The following KCTD1 variants were observed in gnomAD, a reference collection of about 807,000 sequenced individuals.
KCTD1 encodes the protein BTB/POZ domain-containing protein KCTD1.
Under a neutral mutation model 66.0 loss-of-function variants are expected in KCTD1, and 24 were observed. The ratio of observed to expected loss-of-function variants is 0.36; its 90% CI spans 0.26 to 0.51. The LOEUF is 0.51. KCTD1 is among the 20% of genes least tolerant of loss of function. KCTD1 has a pLI of 0.95. For synonymous variants in KCTD1, 511 were observed against 517.2 expected (o/e 0.99, Z 0.16); for missense variants, 943 against 1,205.2 (o/e 0.78, Z 3.22).
Position 26,533,198 on chromosome 18 carries a change from C to G in KCTD1, c.1809+13530G>C, listed in dbSNP as rs563903502. Among the ~76,000 whole-genome samples the G allele has an allele frequency of 2.0e-5, 3 of 152,306 alleles. No homozygotes were observed. In the South Asian group the frequency reaches 6.2e-4, roughly 32 times the overall value. The stretch of plus-strand genomic sequence containing the variant: ...AATGAGATATGTAGTAGCCCTCTTA[C>G]CAAGCAATGCATTGAAGGGTAATAA... On this transcript the variant is annotated intron_variant, in intron 1 of 4. Transcript: ENST00000580059.
chr18:26,560,020 T>C (rs8090155), intron 1 of KCTD1, among the ~76,000 whole-genome samples: 23,625 of 151,992 alleles, frequency 0.16, 2,601 homozygotes, highest in African/African-American at 0.32. Flanking sequence ...TGGGAGGCTT[T>C]ACATTACATG....
At chr18:26,647,131 G>A (rs1987938593) in intron 1 of KCTD1, among the ~76,000 whole-genome samples, 1 of 152,168 alleles carries the variant, frequency 6.6e-6, no homozygotes, top group Admixed American at 6.5e-5. Context: ...TTCTTACAGA[G>A]CTAGTGTGAC....
intron 1 of KCTD1, among the ~76,000 whole-genome samples, chr18:26,621,604 A>G (rs1367798900): frequency 1.3e-5 from 2 of 152,164 alleles, no homozygotes; most frequent in African/African-American, 4.8e-5. Flanking sequence ...AAGGAAATGC[A>G]CTAATAGGAA....
At chr18:26,634,426 T>C (rs1381921083) in intron 1 of KCTD1, among the ~76,000 whole-genome samples, 1 of 152,140 alleles carries the variant, frequency 6.6e-6, no homozygotes, top group Admixed American at 6.5e-5. Context: ...CATGTGTGTG[T>C]TGTGGTCTGT....
chr18:26,520,945 T>C (rs888281396), intron 1 of KCTD1, among the ~76,000 whole-genome samples: 1 of 152,238 alleles, frequency 6.6e-6, no homozygotes, highest in Non-Finnish European at 1.5e-5. Flanking sequence ...TCGCTAAGCC[T>C]TCTCATGCTG....
At chr18:26,598,471 TACAC>T (rs4041522) in intron 1 of KCTD1, among the ~76,000 whole-genome samples, 1 of 149,664 alleles carries the variant, frequency 6.7e-6, no homozygotes, top group Non-Finnish European at 1.5e-5. Flanking sequence ...TCTCTTTTTT[TACAC>T]ACACACACAC....
chr18:26,513,482 A>G (rs772353530), intron 1 of KCTD1, among the ~76,000 whole-genome samples: 17 of 152,188 alleles, frequency 1.1e-4, no homozygotes, highest in Non-Finnish European at 1.6e-4. Flanking sequence ...TTACCTTTTA[A>G]AGAGCAAACT....
chr18:26,597,647 G>C (rs1220779448), intron 1 of KCTD1, among the ~76,000 whole-genome samples: 3 of 146,152 alleles, frequency 2.1e-5, no homozygotes, highest in Non-Finnish European at 4.5e-5. Flanking sequence ...ACCTAGTACT[G>C]AGGTCTTGGT....
At chr18:26,647,826 A>AT (rs1457436829) in intron 1 of KCTD1, among the ~76,000 whole-genome samples, 4 of 121,850 alleles carry the variant, frequency 3.3e-5, no homozygotes, top group Non-Finnish European at 5.9e-5. Flanking sequence ...AATCACCTAG[A>AT]TCTTTTTTTT....
intron 1 of KCTD1, among the ~76,000 whole-genome samples, chr18:26,537,212 T>C (rs1984751493): frequency 6.6e-6 from 1 of 152,212 alleles, no homozygotes; most frequent in Non-Finnish European, 1.5e-5. Flanking sequence ...GTCTCTTTTT[T>C]TTCTGGAGTG....
At chr18:26,591,735 A>G (rs1256069376) in intron 1 of KCTD1, among the ~76,000 whole-genome samples, 3 of 152,180 alleles carry the variant, frequency 2.0e-5, no homozygotes, top group Non-Finnish European at 1.5e-5. Flanking sequence ...CAAATAAACA[A>G]TCTTGGGACA....
intron 1 of KCTD1, among the ~76,000 whole-genome samples, chr18:26,535,087 T>C (rs1457698189): frequency 1.3e-4 from 5 of 37,222 alleles, no homozygotes; most frequent in Admixed American, 4.4e-4. Flanking sequence ...AAGGGCATCA[T>C]GGAGGGAAAG....
chr18:26,577,726 T>G (rs186133372), intron 1 of KCTD1, among the ~76,000 whole-genome samples: 85 of 150,560 alleles, frequency 5.6e-4, no homozygotes, highest in South Asian at 1.5e-3. Context: ...GTTTTTAGTG[T>G]TTTTTTTTGT....
At chr18:26,515,610 AT>A (rs1335539313) in intron 1 of KCTD1, among the ~76,000 whole-genome samples, 1 of 148,744 alleles carries the variant, frequency 6.7e-6, no homozygotes, top group African/African-American at 2.5e-5. Context: ...GATTCAAGCG[AT>A]TTTCCTGCCT....
chr18:26,500,942 G>C, intron 2 of KCTD1, 130 bp downstream of exon 2: 1 of 915,148 alleles, frequency 1.1e-6, no homozygotes, highest in Non-Finnish European at 1.7e-6. Context: ...TAGGCAGCAG[G>C]GTGGCTCACA....
intron 1 of KCTD1, among the ~76,000 whole-genome samples, chr18:26,626,916 C>T (rs796941910): frequency 6.6e-5 from 10 of 152,262 alleles, no homozygotes; most frequent in Non-Finnish European, 8.8e-5. Flanking sequence ...GGAGCCACTA[C>T]GGCTGAACAA....
upstream of KCTD1, chr18:26,549,849 A>G: frequency 1.0e-6 from 1 of 971,974 alleles, no homozygotes; most frequent in Non-Finnish European, 1.2e-6. Context: ...GCTTTCCCAT[A>G]GGAGACACTG....
At chr18:26,657,082 C>T (rs995040079) in intron 1 of KCTD1, among the ~76,000 whole-genome samples, 5 of 151,604 alleles carry the variant, frequency 3.3e-5, no homozygotes, top group Non-Finnish European at 5.9e-5. Context: ...CTGGCCGCAC[C>T]CGCTCCTCCT....
chr18:26,540,243 C>T (rs1341991569), intron 1 of KCTD1, among the ~76,000 whole-genome samples: 1 of 152,250 alleles, frequency 6.6e-6, no homozygotes. Flanking sequence ...AAGGAAGCAA[C>T]ATCTGTCTCT....
Sources: gnomAD v4.1 joint callset for allele counts (sites outside exome capture counted in the v4.1 genomes callset) on GRCh38, gnomAD v4.1.1 for gene constraint, MANE v1.5 for transcripts, NCBI Gene and HGNC (gene_info 2026-07-23, HGNC 2026-07-21) for gene names.